Variants in ROBO1 observed in about 807,000 individuals in gnomAD.
The protein encoded by ROBO1 is roundabout guidance receptor 1, also known as roundabout homolog 1.
ROBO1 carries 149 observed loss-of-function variants against 195.9 expected under a neutral mutation model. That is an observed-to-expected ratio of 0.76 (90% confidence interval 0.67 to 0.87). ROBO1 has a LOEUF of 0.87. Among genes scored for constraint, ROBO1 ranks in the 40% least tolerant of loss-of-function variants. ROBO1 has a pLI of 0.00. For missense variants in ROBO1, 1,933 were observed against 2,068.3 expected (o/e 0.93, Z 1.27); for synonymous variants, 816 against 733.2 (o/e 1.11, Z -1.82).
chr3:79,760,027 A>G (rs1221738722), intron 1 of ROBO1, among the ~76,000 whole-genome samples: 1 of 152,022 alleles, frequency 6.6e-6, no homozygotes, highest in Non-Finnish European at 1.5e-5. Flanking sequence ...ACCTGAGGTC[A>G]GGAGTTTGAG....
chr3:79,504,226 TG>T (rs1459955870), intron 2 of ROBO1, among the ~76,000 whole-genome samples: 1 of 152,162 alleles, frequency 6.6e-6, no homozygotes, highest in African/African-American at 2.4e-5. Flanking sequence ...CCCTCTGATT[TG>T]GAAGATACAT....
At chr3:79,625,422 T>TTAAAAAAAAAAAAAAAAAAAAAAA (rs1945136215) in intron 1 of ROBO1, among the ~76,000 whole-genome samples, 1 of 3,982 alleles carries the variant, frequency 2.5e-4, no homozygotes, top group African/African-American at 1.1e-3. Flanking sequence ...CTGTTTTTTT[T>TTAAAAAAAAAAAAAAAAAAAAAAA]GAAAAAAAAA....
chr3:79,268,892 G>A (rs1412076631), intron 2 of ROBO1, among the ~76,000 whole-genome samples: 2 of 151,756 alleles, frequency 1.3e-5, no homozygotes, highest in Non-Finnish European at 3.0e-5. Flanking sequence ...GCCACAAAAT[G>A]TCTGTTATAT....
chr3:79,116,316 T>TTTTCTTTTTCTTTTCTTTTCCTTTC (rs2079995303), intron 3 of ROBO1, among the ~76,000 whole-genome samples: 1 of 151,536 alleles, frequency 6.6e-6, no homozygotes, highest in African/African-American at 2.4e-5. Flanking sequence ...CCTTCCTTCC[T>TTTTCTTTTTCTTTTCTTTTCCTTTC]TTTCTTTTTC....
Position 78,661,048 on chromosome 3 carries a change from C to A in ROBO1, c.2302G>T (p.Ala768Ser). ...TACTTGCCTTCTTCCAGGGTTTTGG[C>A]AAACTTGATTTCACTATCTGCTCCT... ...FQGADSEIKF[A>S]KTLEEAPSAP... The change falls in exon 16 of 31, where the codon GCC (alanine) becomes TCC (serine). Residue 768 changes from alanine to serine, a missense_variant. Ala to Ser is a moderately conservative substitution (Grantham distance 99). Around this residue, in one of 3 missense-constraint regions of ROBO1, gnomAD observed 1,737 missense variants for 1,882.5 expected, o/e 0.92. Transcript: ENST00000464233. 1 of 1,612,218 alleles carries A rather than the reference C, an allele frequency of 6.2e-7. No individual in the cohort carries two copies. The highest frequency in any genetic ancestry group is 8.5e-7 in the Non-Finnish European group (1 of 1,178,934).
intron 2 of ROBO1, among the ~76,000 whole-genome samples, chr3:79,207,858 T>C (rs538303102): frequency 1.8e-4 from 27 of 151,906 alleles, no homozygotes; most frequent in Non-Finnish European, 3.5e-4. Flanking sequence ...AGTAATCAGA[T>C]AGAATTTGAT....
chr3:79,124,016 C>G (rs946030020), intron 3 of ROBO1, among the ~76,000 whole-genome samples: 4 of 152,024 alleles, frequency 2.6e-5, no homozygotes, highest in Non-Finnish European at 5.9e-5. Flanking sequence ...GTTGTTTAGA[C>G]TGGGTGAGTA....
chr3:79,153,078 C>T (rs957848391), intron 2 of ROBO1, among the ~76,000 whole-genome samples: 1 of 151,610 alleles, frequency 6.6e-6, no homozygotes, highest in South Asian at 2.1e-4. Context: ...TACTACCTTG[C>T]CTGTTGTGTG....
intron 2 of ROBO1, among the ~76,000 whole-genome samples, chr3:79,219,393 A>G (rs368834699): frequency 6.6e-6 from 1 of 152,154 alleles, no homozygotes; most frequent in South Asian, 2.1e-4. Flanking sequence ...GGACTTTTTA[A>G]TGGACATGTT....
intron 2 of ROBO1, among the ~76,000 whole-genome samples, chr3:79,492,866 A>C (rs1017377220): frequency 6.6e-6 from 1 of 152,066 alleles, no homozygotes; most frequent in Non-Finnish European, 1.5e-5. Context: ...AAGACACACA[A>C]CTAAGACCTT....
At chr3:79,501,627 A>G (rs993366784) in intron 2 of ROBO1, among the ~76,000 whole-genome samples, 1 of 152,156 alleles carries the variant, frequency 6.6e-6, no homozygotes, top group Non-Finnish European at 1.5e-5. Flanking sequence ...ACCAGAAAAA[A>G]CTTTGTCATG....
chr3:79,351,802 T>C (rs2035353846), intron 2 of ROBO1, among the ~76,000 whole-genome samples: 1 of 152,198 alleles, frequency 6.6e-6, no homozygotes, highest in South Asian at 2.1e-4. Context: ...TTCTTTTTTT[T>C]TCTTTTTAAA....
chr3:79,327,031 A>G (rs528109726), intron 2 of ROBO1, among the ~76,000 whole-genome samples: 10 of 152,316 alleles, frequency 6.6e-5, no homozygotes, highest in African/African-American at 2.4e-4. Flanking sequence ...ATGATGCTCA[A>G]TTGAGTTCAT....
Position 78,617,669 on chromosome 3 carries a change from C to G in ROBO1, c.4248G>C (p.Leu1416=), listed in dbSNP as rs1347930039. The part of the protein sequence containing the change: ...AVAAAAEYAG[L]KVARRQMQDA... ...CCTGCATTTGCCGTCGTGCTACTTT[C>G]AGACCAGCATACTCTGCCGCTGCTG... The change falls in exon 27 of 31, where the codon CTG becomes CTC. Residue 1416 remains leucine, a synonymous_variant. Coordinates refer to ENST00000464233, the MANE Select transcript of ROBO1 (RefSeq NM_002941.4). The G allele has an allele frequency of 1.2e-6, 2 of 1,613,526 alleles. No homozygotes were observed. The highest frequency in any genetic ancestry group is 1.7e-5 in the Admixed American group (1 of 59,966).
At chr3:79,718,365 T>C (rs1479252539) in intron 1 of ROBO1, among the ~76,000 whole-genome samples, 2 of 151,972 alleles carry the variant, frequency 1.3e-5, no homozygotes, top group Non-Finnish European at 2.9e-5. Flanking sequence ...TGTATATCGC[T>C]CCTGAAATGT....
chr3:78,849,457 C>A (rs1179301893), intron 4 of ROBO1, among the ~76,000 whole-genome samples: 2 of 152,038 alleles, frequency 1.3e-5, no homozygotes, highest in African/African-American at 4.8e-5. Flanking sequence ...ACATGTCTGG[C>A]TGAGTGAAAG....
chr3:79,581,989 C>G (rs932761626), intron 2 of ROBO1, among the ~76,000 whole-genome samples: 4 of 151,768 alleles, frequency 2.6e-5, no homozygotes, highest in Non-Finnish European at 4.4e-5. Context: ...GTGTTAATAT[C>G]TATACAAGGA....
chr3:78,831,480 T>C (rs1036807160), intron 4 of ROBO1, among the ~76,000 whole-genome samples: 1 of 152,208 alleles, frequency 6.6e-6, no homozygotes, highest in Non-Finnish European at 1.5e-5. Context: ...CATTATACTC[T>C]CTGTGTCTCC....
chr3:78,711,372 TTCCTTC>T (rs2081712822), intron 8 of ROBO1, among the ~76,000 whole-genome samples: 2 of 27,766 alleles, frequency 7.2e-5, no homozygotes, highest in African/African-American at 1.6e-4. Context: ...CCTTCCTTCC[TTCCTTC>T]CTTCCTTCCT....
Sources: allele counts gnomAD v4.1 joint callset (sites outside exome capture counted in the v4.1 genomes callset), GRCh38; gene constraint gnomAD v4.1.1; regional missense constraint gnomAD v4.1.1; transcripts MANE v1.5; gene names NCBI Gene and HGNC (gene_info 2026-07-23, HGNC 2026-07-21).